Variants in ARB2A observed in about 807,000 individuals in gnomAD.
ARB2A encodes cotranscriptional regulator ARB2A.
chr5:93,920,495 A>G, the ARB2A span, among the ~76,000 whole-genome samples: 1 of 152,154 alleles, frequency 6.6e-6, no homozygotes, highest in African/African-American at 2.4e-5. Context: ...ACTTGTGACA[A>G]TTTCAGAAAA....
At chr5:93,816,368 A>G in the ARB2A span, among the ~76,000 whole-genome samples, 1 of 152,210 alleles carries the variant, frequency 6.6e-6, no homozygotes, top group Non-Finnish European at 1.5e-5. Context: ...TACAAAATCT[A>G]TCATTAAGAT....
the ARB2A span, among the ~76,000 whole-genome samples, chr5:93,971,794 A>G: frequency 6.6e-6 from 1 of 152,064 alleles, no homozygotes; most frequent in Non-Finnish European, 1.5e-5. Flanking sequence ...AAAATATACC[A>G]ATAAATGGGG....
chr5:93,870,461 T>C, the ARB2A span, among the ~76,000 whole-genome samples: 2 of 152,226 alleles, frequency 1.3e-5, no homozygotes, highest in Non-Finnish European at 2.9e-5. Context: ...CTTTCTTTCA[T>C]TGTTTCTCTG....
At chr5:94,036,437 C>T in the ARB2A span, among the ~76,000 whole-genome samples, 1 of 152,102 alleles carries the variant, frequency 6.6e-6, no homozygotes, top group African/African-American at 2.4e-5. Context: ...TGGGAAAATA[C>T]AACTGTAAGT....
chr5:93,973,524 CT>C, the ARB2A span, among the ~76,000 whole-genome samples: 1 of 152,094 alleles, frequency 6.6e-6, no homozygotes, highest in Non-Finnish European at 1.5e-5. Flanking sequence ...TTTCTCTAAT[CT>C]TGCTTAAATT....
chr5:93,762,400 G>A, the ARB2A span, among the ~76,000 whole-genome samples: 200 of 152,314 alleles, frequency 1.3e-3, 1 homozygote, highest in African/African-American at 4.5e-3. Context: ...ACTACGTGAC[G>A]AATGCACAAG....
chr5:94,079,845 T>C, the ARB2A span, among the ~76,000 whole-genome samples: 1 of 152,188 alleles, frequency 6.6e-6, no homozygotes, highest in Non-Finnish European at 1.5e-5. Context: ...CAAATAAAAG[T>C]ATTTTAAAAG....
the ARB2A span, among the ~76,000 whole-genome samples, chr5:93,767,304 G>T: frequency 6.6e-6 from 1 of 152,102 alleles, no homozygotes; most frequent in Non-Finnish European, 1.5e-5. Flanking sequence ...CTAATTATCA[G>T]GGAAATGCAA....
At chr5:94,037,214 C>A in the ARB2A span, among the ~76,000 whole-genome samples, 2 of 152,218 alleles carry the variant, frequency 1.3e-5, no homozygotes, top group Admixed American at 6.5e-5. Context: ...AAAATTATGT[C>A]AGCAACTGTT....
chr5:93,755,890 C>CG, the ARB2A span, among the ~76,000 whole-genome samples: 11 of 152,262 alleles, frequency 7.2e-5, no homozygotes, highest in East Asian at 2.1e-3. Flanking sequence ...GGCCAGAACT[C>CG]GGGGGAGGGT....
chr5:93,656,956 G>A, the ARB2A span, among the ~76,000 whole-genome samples: 1 of 152,090 alleles, frequency 6.6e-6, no homozygotes, highest in Non-Finnish European at 1.5e-5. Flanking sequence ...TCCCCACCAG[G>A]GGTTAGTTGC....
chr5:93,814,946 T>C, the ARB2A span, among the ~76,000 whole-genome samples: 1 of 152,198 alleles, frequency 6.6e-6, no homozygotes, highest in African/African-American at 2.4e-5. Context: ...CATGCAATCC[T>C]CCTGCCTCAG....
chr5:93,881,350 G>A, the ARB2A span: 3 of 719,096 alleles, frequency 4.2e-6, no homozygotes, highest in Non-Finnish European at 6.6e-6. Context: ...GACGACTATG[G>A]GAAATAAATG....
At chr5:93,857,305 C>T in the ARB2A span, among the ~76,000 whole-genome samples, 1 of 152,202 alleles carries the variant, frequency 6.6e-6, no homozygotes, top group Non-Finnish European at 1.5e-5. Flanking sequence ...AACCACTGCT[C>T]TCTTCAAAGC....
At chr5:93,665,637 G>A in the ARB2A span, among the ~76,000 whole-genome samples, 2 of 152,156 alleles carry the variant, frequency 1.3e-5, no homozygotes, top group Non-Finnish European at 2.9e-5. Context: ...CAGGCACATG[G>A]CATTCTATTA....
the ARB2A span, among the ~76,000 whole-genome samples, chr5:93,906,675 T>C: frequency 1.3e-5 from 2 of 151,600 alleles, no homozygotes; most frequent in Non-Finnish European, 3.0e-5. Context: ...CTTACAATTA[T>C]TTACATGTTC....
At chr5:93,825,291 C>T in the ARB2A span, among the ~76,000 whole-genome samples, 2 of 93,402 alleles carry the variant, frequency 2.1e-5, no homozygotes, top group African/African-American at 7.6e-5. Flanking sequence ...CTTATCTCAT[C>T]AATTAGGGCA....
chr5:94,012,628 G>C, the ARB2A span, among the ~76,000 whole-genome samples: 1 of 152,102 alleles, frequency 6.6e-6, no homozygotes, highest in Non-Finnish European at 1.5e-5. Flanking sequence ...GGTACATCAG[G>C]GAGCGACTCA....
chr5:93,676,312 T>G, the ARB2A span, among the ~76,000 whole-genome samples: 1 of 152,344 alleles, frequency 6.6e-6, no homozygotes, highest in East Asian at 1.9e-4. Flanking sequence ...TGGCTTTTCA[T>G]GTATTCATAA....
Sources: gnomAD v4.1 joint callset for allele counts (sites outside exome capture counted in the v4.1 genomes callset) on GRCh38, gnomAD v4.1.1 for gene constraint, MANE v1.5 for transcripts, NCBI Gene and HGNC (gene_info 2026-07-23, HGNC 2026-07-21) for gene names.